Variants in MFSD8 observed in about 807,000 individuals in gnomAD.
The protein encoded by MFSD8 is major facilitator superfamily domain containing 8.
In MFSD8, 55 loss-of-function variants were observed where a neutral mutation model predicts 66.4. The observed-to-expected ratio is 0.83, with a 90% confidence interval of 0.67 to 1.04. The LOEUF (loss-of-function observed/expected upper bound fraction) is 1.04. Ranked by LOEUF, MFSD8 falls within the 50% of genes least tolerant of loss-of-function variation. The probability of loss-of-function intolerance (pLI) is 0.00; values close to 1 mark genes in which losing one functional copy is unlikely to be tolerated. For synonymous variants in MFSD8, 202 were observed against 212.8 expected, an observed-to-expected ratio of 0.95 and a Z score of 0.44; for missense variants, 550 against 627.6, an observed-to-expected ratio of 0.88 and a Z score of 1.32.
rs1460360289 is a variant in MFSD8 at position 127,919,019 on chromosome 4, C to CT, written c.*1610dup. The CT allele has an allele frequency of 6.6e-6, 1 of 152,152 alleles. No individual in the cohort carries two copies. Among genetic ancestry groups the CT allele is most frequent in the African/African-American group, 2.4e-5 (1 of 41,448 alleles). 9.4% of individuals were successfully genotyped at this position (152,152 alleles called of 1,614,324 possible). ...CCCAGACTTGACCAAATAGCCAGAA[C>CT]TGGCTACGGTTCTGAGAAATCTATG... On this transcript the variant is annotated 3_prime_UTR_variant, in exon 12 of 12. Transcript: ENST00000641686.
intron 9 of MFSD8, among the ~76,000 whole-genome samples, chr4:127,924,592 G>A (rs555476533): frequency 1.3e-5 from 2 of 152,220 alleles, no homozygotes; most frequent in African/African-American, 4.8e-5. Flanking sequence ...CATAAGAGAG[G>A]ACACAAACAA....
At chr4:127,932,772 A>G (rs1191031104) in intron 8 of MFSD8, 2 of 443,164 alleles carry the variant, frequency 4.5e-6, no homozygotes, top group Non-Finnish European at 8.2e-6. Flanking sequence ...ATTCTTTTAT[A>G]AGAAAATAAG....
chr4:127,937,730 T>C (rs1739306706), intron 7 of MFSD8, among the ~76,000 whole-genome samples: 1 of 152,218 alleles, frequency 6.6e-6, no homozygotes, highest in Non-Finnish European at 1.5e-5. Flanking sequence ...GATTAGCCTC[T>C]GCATGGAATC....
chr4:127,952,213 G>A (rs1238481003), intron 2 of MFSD8, among the ~76,000 whole-genome samples: 3 of 151,244 alleles, frequency 2.0e-5, no homozygotes, highest in Non-Finnish European at 4.4e-5. Flanking sequence ...AGCCCATCCT[G>A]GCTAACACAG....
In MFSD8 at chr4:127,918,118, T is replaced by TGA. The variant is rs1380685497; in HGVS notation, c.*2511_*2512insTC. 1 of 152,208 alleles carries TGA rather than the reference T, an allele frequency of 6.6e-6. No individual in the cohort carries two copies. The highest frequency in any genetic ancestry group is 2.4e-5 in the African/African-American group (1 of 41,460). The allele number at this position is 152,208 out of a possible 1,614,324, so 9.4% of individuals were successfully genotyped here. A position where few individuals can be genotyped will look rare whatever the true frequency, so the allele number is the denominator to read the frequency against. On this transcript the variant is annotated 3_prime_UTR_variant, in exon 12 of 12. Coordinates refer to ENST00000641686, the MANE Select transcript of MFSD8 (RefSeq NM_001371596.2). The stretch of plus-strand genomic sequence containing the variant: ...CCCTTCAAAATATGAAAATCATCCT[T>TGA]TCAAGTTTAAATTTGTTTTCAAAAA...
At chr4:127,936,030 A>G (rs929259282) in intron 7 of MFSD8, among the ~76,000 whole-genome samples, 3 of 152,192 alleles carry the variant, frequency 2.0e-5, no homozygotes, top group Non-Finnish European at 4.4e-5. Flanking sequence ...CAGATAAACA[A>G]TAAGTGTTAA....
chr4:127,947,898 A>ACACTCTCT (rs777137519), intron 3 of MFSD8, among the ~76,000 whole-genome samples: 135 of 146,932 alleles, frequency 9.2e-4, no homozygotes, highest in African/African-American at 3.4e-3. Flanking sequence ...ACACACACAC[A>ACACTCTCT]CTCTCTCTCC....
intron 9 of MFSD8, among the ~76,000 whole-genome samples, chr4:127,927,961 AATGATCCTCCC>A (rs1327764067): frequency 6.6e-6 from 1 of 152,114 alleles, no homozygotes; most frequent in Non-Finnish European, 1.5e-5. Context: ...CCTGGGCTGA[AATGATCCTCCC>A]ATTTTAGCCT....
intron 3 of MFSD8, among the ~76,000 whole-genome samples, 166 bp from the exon 4 acceptor site, chr4:127,944,158 T>C (rs145759324): frequency 1.2e-4 from 18 of 152,286 alleles, no homozygotes; most frequent in Admixed American, 1.2e-3. Context: ...CTTCTGACAA[T>C]ACAATTAAAT....
intron 1 of MFSD8, among the ~76,000 whole-genome samples, chr4:127,958,110 T>C (rs1324919866): frequency 6.6e-6 from 1 of 152,130 alleles, no homozygotes; most frequent in Non-Finnish European, 1.5e-5. Flanking sequence ...ACCTAAGACA[T>C]TTTCAGCCCT....
Position 127,957,487 on chromosome 4 carries a change from TTTC to T in MFSD8, c.154+11_154+13del. ...TGATCTGAATTGTTAAAATTATGTA[TTTC>T]TAATACTTACCTACACTGCTGAGAA... On this transcript the variant is annotated intron_variant, in intron 2 of 11. Coordinates refer to ENST00000641686, the MANE Select transcript of MFSD8 (RefSeq NM_001371596.2). 6.5e-7 allele frequency: 1 copy of T among 1,537,914 alleles called. No individual in the cohort carries two copies.
chr4:127,937,984 G>A (rs530059835), intron 7 of MFSD8, among the ~76,000 whole-genome samples: 1 of 150,818 alleles, frequency 6.6e-6, no homozygotes, highest in African/African-American at 2.4e-5. Flanking sequence ...GTTTTTTTTT[G>A]GTAAAATATA....
intron 1 of MFSD8, among the ~76,000 whole-genome samples, chr4:127,958,815 A>C (rs969721518): frequency 2.0e-5 from 3 of 152,228 alleles, no homozygotes; most frequent in Non-Finnish European, 2.9e-5. Flanking sequence ...TTTAGAGCTC[A>C]GACAAAATCT....
intron 1 of MFSD8, 101 bp downstream of exon 1, chr4:127,964,971 C>A: frequency 7.0e-7 from 1 of 1,426,738 alleles, no homozygotes; most frequent in East Asian, 2.5e-5. Flanking sequence ...GCTGGAACCC[C>A]TCTGGCAGCG....
intron 9 of MFSD8, 113 bp from the exon 10 acceptor site, chr4:127,922,076 C>T (rs1233473737): frequency 1.2e-5 from 12 of 1,015,630 alleles, no homozygotes; most frequent in Non-Finnish European, 1.6e-5. Flanking sequence ...GTGATATATC[C>T]ATTAAAAAGA....
intron 5 of MFSD8, 107 bp downstream of exon 5, chr4:127,941,937 TC>T: frequency 1.1e-6 from 1 of 882,772 alleles, no homozygotes; most frequent in Non-Finnish European, 1.9e-6. Flanking sequence ...TTAGCTTTCC[TC>T]CCTTTCCCTT....
At chr4:127,959,664 G>A (rs1196312269) in intron 1 of MFSD8, among the ~76,000 whole-genome samples, 2 of 152,094 alleles carry the variant, frequency 1.3e-5, no homozygotes, top group African/African-American at 2.4e-5. Context: ...GAAAGATTTC[G>A]GCAGTGTGGA....
At chr4:127,950,885 C>A (rs1741823567) in intron 2 of MFSD8, among the ~76,000 whole-genome samples, 1 of 150,626 alleles carries the variant, frequency 6.6e-6, no homozygotes, top group African/African-American at 2.4e-5. Flanking sequence ...TGGAGAAACC[C>A]CTCTCTGCAA....
At chr4:127,945,786 T>C (rs1037578795) in intron 3 of MFSD8, among the ~76,000 whole-genome samples, 1 of 152,194 alleles carries the variant, frequency 6.6e-6, no homozygotes, top group Non-Finnish European at 1.5e-5. Context: ...TCTTCCTGTA[T>C]TACCTTTAGC....
Sources: allele counts gnomAD v4.1 joint callset (sites outside exome capture counted in the v4.1 genomes callset), GRCh38; gene constraint gnomAD v4.1.1; transcripts MANE v1.5; gene names NCBI Gene and HGNC (gene_info 2026-07-23, HGNC 2026-07-21).